Variants in ARHGAP22 observed in about 807,000 individuals in gnomAD.
The protein encoded by ARHGAP22 is Rho GTPase activating protein 22.
ARHGAP22 carries 48 observed loss-of-function variants against 59.1 expected under a neutral mutation model. That is an observed-to-expected ratio of 0.81 (90% CI 0.64 to 1.03). The LOEUF is 1.03. Among genes scored for constraint, ARHGAP22 ranks in the 50% least tolerant of loss-of-function variants. ARHGAP22 has a pLI of 0.00. For missense variants in ARHGAP22, 1,015 were observed against 958.7 expected, an observed-to-expected ratio of 1.06 and a Z score of -0.78; for synonymous variants, 445 against 416.4, an observed-to-expected ratio of 1.07 and a Z score of -0.84.
intron 8 of ARHGAP22, chr10:48,451,741 C>T (rs1043060261): frequency 1.2e-5 from 7 of 598,370 alleles, no homozygotes; most frequent in Admixed American, 8.8e-5. Flanking sequence ...CTGGACAATG[C>T]ACCCACCCAG....
Position 48,536,418 on chromosome 10 carries a change from C to T in ARHGAP22, c.322+19045G>A, listed in dbSNP as rs529355265. Among the ~76,000 whole-genome samples, 39 of 152,342 alleles carry T rather than the reference C, an allele frequency of 2.6e-4. 1 individual carries two copies. The Middle Eastern group carries it at 0.024, about 93-fold the overall frequency. On this transcript the variant is annotated intron_variant, in intron 3 of 9. Coordinates refer to ENST00000249601, the MANE Select transcript of ARHGAP22 (RefSeq NM_021226.4). Reference sequence around the variant, plus strand: ...CTCTTGTGCCCTCGCCACTATTTTCCGGGCTGAGTTGGCCTCAGATGGCCA... The same window carrying T: ...CTCTTGTGCCCTCGCCACTATTTTCTGGGCTGAGTTGGCCTCAGATGGCCA...
At chr10:48,549,575 T>A (rs1218307279) in intron 3 of ARHGAP22, among the ~76,000 whole-genome samples, 1 of 152,164 alleles carries the variant, frequency 6.6e-6, no homozygotes, top group African/African-American at 2.4e-5. Flanking sequence ...AGATTTCTGC[T>A]TTCTGCTGCA....
At chr10:48,624,104 G>C (rs751208442) in intron 1 of ARHGAP22, 1 of 152,204 alleles carries the variant, frequency 6.6e-6, no homozygotes, top group Admixed American at 6.5e-5. Context: ...TTAAAATGGG[G>C]ATACGAACAC....
At chr10:48,652,592 T>C (rs908826003) in exon 1 of ARHGAP22, 1 of 395,302 alleles carries the variant, frequency 2.5e-6, no homozygotes, top group Admixed American at 4.0e-5. Context: ...TGACAACCAC[T>C]TCACAGAACA....
intron 2 of ARHGAP22, among the ~76,000 whole-genome samples, chr10:48,567,755 CT>C (rs1361189253): frequency 6.6e-6 from 1 of 152,106 alleles, no homozygotes; most frequent in Non-Finnish European, 1.5e-5. Context: ...ATCTCTCCCC[CT>C]GAGTCAACCT....
intron 1 of ARHGAP22, among the ~76,000 whole-genome samples, chr10:48,601,620 A>C (rs757633838): frequency 5.9e-5 from 9 of 152,114 alleles, no homozygotes; most frequent in Non-Finnish European, 1.2e-4. Context: ...CCACCCTCCC[A>C]ATTAGTTATA....
intron 4 of ARHGAP22, among the ~76,000 whole-genome samples, chr10:48,473,788 G>A (rs762823354): frequency 5.9e-5 from 9 of 152,150 alleles, no homozygotes; most frequent in Non-Finnish European, 1.3e-4. Context: ...AATGCAATGG[G>A]CTTGGCTAAA....
rs567363177 is a variant in ARHGAP22, at chr10:48,454,014, G to A, written c.866+74C>T. Reference sequence around the variant, plus strand: ...CCCCCCTCTGACAAGGAAGAGTTGCGTGTCTCGCTGTGGGGTTGGGGGAGC... The same window carrying A: ...CCCCCCTCTGACAAGGAAGAGTTGCATGTCTCGCTGTGGGGTTGGGGGAGC... On this transcript the variant is annotated intron_variant, in intron 7 of 9. Coordinates refer to ENST00000249601, the MANE Select transcript of ARHGAP22 (RefSeq NM_021226.4). 7.5e-5 allele frequency: 110 copies of A among 1,458,048 alleles called. 2 individuals are homozygous for A. The African/African-American group carries it at 1.2e-3, about 15-fold the overall frequency. The allele number at this position is 1,458,048 out of a possible 1,614,324, so 90.3% of individuals were successfully genotyped here.
downstream of ARHGAP22, among the ~76,000 whole-genome samples, chr10:48,442,700 GC>G (rs1173556513): frequency 6.6e-6 from 1 of 152,126 alleles, no homozygotes; most frequent in East Asian, 1.9e-4. Flanking sequence ...CACAGACCCT[GC>G]CCCTTGTCTC....
At chr10:48,457,015 C>G (rs11101328) in intron 5 of ARHGAP22, among the ~76,000 whole-genome samples, 1 of 151,814 alleles carries the variant, frequency 6.6e-6, no homozygotes, top group Admixed American at 6.6e-5. Flanking sequence ...TTAGCGCAGG[C>G]GGAGGGTGGG....
At chr10:48,544,279 T>C (rs1352642522) in intron 3 of ARHGAP22, among the ~76,000 whole-genome samples, 2 of 152,204 alleles carry the variant, frequency 1.3e-5, no homozygotes, top group Non-Finnish European at 2.9e-5. Flanking sequence ...TTTAAGTTAT[T>C]GGTCCAGGTT....
intron 1 of ARHGAP22, among the ~76,000 whole-genome samples, chr10:48,589,469 T>C (rs1246362603): frequency 1.3e-5 from 2 of 152,190 alleles, no homozygotes; most frequent in Non-Finnish European, 2.9e-5. Context: ...TTCAGACTCA[T>C]GTGTCAAACC....
chr10:48,467,528 G>A (rs1335734170), intron 4 of ARHGAP22, among the ~76,000 whole-genome samples: 2 of 151,970 alleles, frequency 1.3e-5, no homozygotes, highest in African/African-American at 2.4e-5. Context: ...CATAATTGGA[G>A]TAACACTTGT....
chr10:48,456,041 T>G (rs1336188403), intron 5 of ARHGAP22, among the ~76,000 whole-genome samples: 1 of 152,160 alleles, frequency 6.6e-6, no homozygotes, highest in Non-Finnish European at 1.5e-5. Flanking sequence ...AGTCCTTCCC[T>G]GGGTCCTGTG....
At chr10:48,572,509 G>A (rs568617833) in intron 2 of ARHGAP22, among the ~76,000 whole-genome samples, 4 of 152,346 alleles carry the variant, frequency 2.6e-5, no homozygotes, top group Admixed American at 6.5e-5. Context: ...ACCTATTGCT[G>A]TATAGGGCCT....
chr10:48,575,060 C>T (rs1588886735), intron 2 of ARHGAP22: 2 of 152,306 alleles, frequency 1.3e-5, no homozygotes, highest in South Asian at 4.1e-4. Flanking sequence ...AGTGAATTCT[C>T]ACGAAATCTG....
intron 3 of ARHGAP22, among the ~76,000 whole-genome samples, chr10:48,531,015 C>T (rs977364656): frequency 2.0e-5 from 3 of 152,142 alleles, no homozygotes; most frequent in African/African-American, 7.2e-5. Context: ...AAATATAGAA[C>T]CAGCCCAAAT....
At chr10:48,521,635 A>G (rs900810502) in intron 3 of ARHGAP22, among the ~76,000 whole-genome samples, 6 of 152,230 alleles carry the variant, frequency 3.9e-5, no homozygotes, top group Admixed American at 2.0e-4. Context: ...GCACATACAC[A>G]TCTCTAGGCT....
Position 48,453,802 on chromosome 10 carries a change from G to T in ARHGAP22, c.866+286C>A, listed in dbSNP as rs572684221. Among the ~76,000 whole-genome samples the T allele has an allele frequency of 1.3e-5, 2 of 152,322 alleles. 1 individual carries two copies. The highest frequency in any genetic ancestry group is 4.1e-4 in the South Asian group (2 of 4,824). On this transcript the variant is annotated intron_variant, in intron 7 of 9. Transcript: ENST00000249601. ...GGGGTCAAGGGGCAGATGCCGGGGG[G>T]ACAGGATGGCAAGAGGCACCCAGGA...
Sources: gnomAD v4.1 joint callset for allele counts (sites outside exome capture counted in the v4.1 genomes callset) on GRCh38, gnomAD v4.1.1 for gene constraint, MANE v1.5 for transcripts, NCBI Gene and HGNC (gene_info 2026-07-23, HGNC 2026-07-21) for gene names.